The following NCOA2 variants were observed in gnomAD, a reference collection of about 807,000 sequenced individuals.
NCOA2 encodes the protein nuclear receptor coactivator 2.
NCOA2 carries 21 observed loss-of-function variants against 145.1 expected under a neutral mutation model. The observed-to-expected ratio is 0.14, with a 90% CI of 0.10 to 0.21. The LOEUF (loss-of-function observed/expected upper bound fraction) is 0.21, where lower values mean the gene tolerates loss of function less well. NCOA2 is among the 10% of genes least tolerant of loss of function. The pLI, the probability that NCOA2 is intolerant of heterozygous loss-of-function variation, is 1.00. For synonymous variants in NCOA2, 619 were observed against 637.5 expected, an observed-to-expected ratio of 0.97 and a Z score of 0.44; for missense variants, 1,472 against 1,837.6, an observed-to-expected ratio of 0.80 and a Z score of 3.64.
chr8:70,314,008 A>AAT lies in NCOA2; in HGVS notation c.-76-17210_-76-17209dup, dbSNP rs371668024. On this transcript the variant is annotated intron_variant, in intron 1 of 22. Coordinates refer to ENST00000452400, the MANE Select transcript of NCOA2 (RefSeq NM_006540.4). ...CGGTGAAACCCCATCCCTACTAAAAAATATATATATATATACAAAAAATTA... is the reference window on the plus strand; with the variant it reads ...CGGTGAAACCCCATCCCTACTAAAAAATATATATATATATATACAAAAAATTA... Among the ~76,000 whole-genome samples the AAT allele has an allele frequency of 5.4e-3, 816 of 149,872 alleles. 8 individuals carry two copies. The highest frequency in any genetic ancestry group is 0.018 in the African/African-American group (731 of 40,946).
At position 70,180,834 on chromosome 8, in the gene NCOA2, G is replaced by A. The variant is rs181537458; in HGVS notation, c.260-5975C>T. Among the ~76,000 whole-genome samples the A allele has an allele frequency of 1.9e-3, 294 of 152,300 alleles. 1 individual carries two copies. The highest frequency in any genetic ancestry group is 9.5e-3 in the East Asian group (49 of 5,176). ...CAATCCTCCTGACTCAGCCTCCTAAGTTGCTGAGATTATTGGCAAATGCCA... is the reference window on the plus strand; with the variant it reads ...CAATCCTCCTGACTCAGCCTCCTAAATTGCTGAGATTATTGGCAAATGCCA... On this transcript the variant is annotated intron_variant, in intron 4 of 22. Transcript: ENST00000452400.
intron 2 of NCOA2, among the ~76,000 whole-genome samples, chr8:70,246,763 CTA>C (rs2134608571): frequency 6.6e-6 from 1 of 152,172 alleles, no homozygotes; most frequent in African/African-American, 2.4e-5. Flanking sequence ...CTTTCTGTTT[CTA>C]TGAGTTTGAG....
chr8:70,273,545 A>C, intron 2 of NCOA2: 1 of 740,012 alleles, frequency 1.4e-6, no homozygotes. Flanking sequence ...AGAGGTGAAT[A>C]TGTTTACAAA....
chr8:70,198,200 C>T (rs1817535976), intron 4 of NCOA2, among the ~76,000 whole-genome samples: 1 of 152,156 alleles, frequency 6.6e-6, no homozygotes, highest in African/African-American at 2.4e-5. Context: ...CACAAAAGAG[C>T]TGTCGTGGTA....
chr8:70,224,495 T>C (rs1415761079), intron 2 of NCOA2, among the ~76,000 whole-genome samples: 1 of 152,050 alleles, frequency 6.6e-6, no homozygotes, highest in Admixed American at 6.5e-5. Flanking sequence ...CCTATACCTA[T>C]AATTTATCAT....
At position 70,128,786 on chromosome 8, in the gene NCOA2, T is replaced by C. The variant is rs1054391878; in HGVS notation, c.3519A>G (p.Arg1173=). The C allele has an allele frequency of 3.7e-6, 6 of 1,613,890 alleles. 1 individual carries two copies. In the Admixed American group the frequency reaches 1.0e-4, roughly 27 times the overall value. The change falls in exon 17 of 23, where the codon AGA becomes AGG. Residue 1173 remains arginine, a synonymous_variant. Coordinates refer to ENST00000452400, the MANE Select transcript of NCOA2 (RefSeq NM_006540.4). ...CTAGGCCCGTGGGCCTGAGGCCCGG[T>C]CTGGGCTGCATACGGAGTGTGGCAT... ...PSYATLRMQP[R]PGLRPTGLVQ... is the part of the protein sequence containing the mutation.
intron 1 of NCOA2, among the ~76,000 whole-genome samples, chr8:70,312,813 TA>T (rs889838965): frequency 2.0e-5 from 3 of 152,156 alleles, no homozygotes; most frequent in African/African-American, 7.2e-5. Context: ...AGAACTATGG[TA>T]AAAAATCTTC....
intron 1 of NCOA2, among the ~76,000 whole-genome samples, chr8:70,371,742 A>G (rs1811238339): frequency 6.6e-6 from 1 of 152,238 alleles, no homozygotes; most frequent in Non-Finnish European, 1.5e-5. Context: ...CCAAGAGGAC[A>G]TAAGAACACT....
intron 13 of NCOA2, 95 bp from the exon 14 acceptor site, chr8:70,141,494 T>A (rs533389714): frequency 5.1e-4 from 588 of 1,152,852 alleles, no homozygotes; most frequent in Non-Finnish European, 6.9e-4. Context: ...AAAACAATCA[T>A]TCTGTAATTC....
intron 1 of NCOA2, among the ~76,000 whole-genome samples, chr8:70,376,326 T>C (rs930203021): frequency 2.6e-5 from 4 of 151,932 alleles, no homozygotes; most frequent in South Asian, 2.1e-4. Flanking sequence ...AGTGCAACCA[T>C]AGTAAAAAAT....
intron 1 of NCOA2, among the ~76,000 whole-genome samples, chr8:70,354,355 G>A (rs1055014640): frequency 2.0e-5 from 3 of 152,114 alleles, no homozygotes; most frequent in Admixed American, 1.3e-4. Flanking sequence ...TATCTCAGAG[G>A]AAAAATTCAT....
intron 1 of NCOA2, among the ~76,000 whole-genome samples, chr8:70,350,328 T>A (rs986332259): frequency 6.6e-6 from 1 of 152,184 alleles, no homozygotes; most frequent in Admixed American, 6.6e-5. Context: ...CACTGAAAAC[T>A]ATCTCACATG....
intron 1 of NCOA2, among the ~76,000 whole-genome samples, chr8:70,323,497 T>C (rs904663063): frequency 2.0e-5 from 3 of 152,138 alleles, no homozygotes; most frequent in African/African-American, 7.2e-5. Context: ...GAAAAAAAAT[T>C]AGCAAACTTC....
At chr8:70,290,259 G>A (rs1386997379) in intron 2 of NCOA2, among the ~76,000 whole-genome samples, 1 of 149,696 alleles carries the variant, frequency 6.7e-6, no homozygotes, top group African/African-American at 2.5e-5. Context: ...CGATTTCTCG[G>A]CTCACTACCA....
intron 2 of NCOA2, among the ~76,000 whole-genome samples, chr8:70,268,330 G>A (rs1284215789): frequency 6.6e-6 from 1 of 152,048 alleles, no homozygotes; most frequent in African/African-American, 2.4e-5. Flanking sequence ...ATTTCAAGTA[G>A]ACCATCTAGC....
Position 70,263,820 on chromosome 8 carries a change from G to A in NCOA2, c.-20+32924C>T, listed in dbSNP as rs371783388. ...AGAAGAAGGAATCAGAATGGCCACT[G>A]TGCACTGTGTAATCTCAACAGTAAT... On this transcript the variant is annotated intron_variant, in intron 2 of 22. Coordinates refer to ENST00000452400, the MANE Select transcript of NCOA2 (RefSeq NM_006540.4). Among the ~76,000 whole-genome samples the A allele has an allele frequency of 2.4e-4, 37 of 152,174 alleles. No individual in the cohort carries two copies. The South Asian group carries it at 7.3e-3, about 30-fold the overall frequency.
rs569742214 is a variant in NCOA2 at position 70,315,803 on chromosome 8, C to A, written c.-76-19003G>T. On this transcript the variant is annotated intron_variant, in intron 1 of 22. Transcript: ENST00000452400. The stretch of plus-strand genomic sequence containing the variant: ...CCACATTCCTGCCACAAGCCTCATC[C>A]ACAACCTAATGCTTTCAAACAGGCC... Among the ~76,000 whole-genome samples the A allele has an allele frequency of 1.8e-4, 27 of 152,292 alleles. No homozygotes were observed. In the South Asian group the frequency reaches 1.9e-3, roughly 11 times the overall value.
At chr8:70,135,520 G>T (rs762953287) in intron 15 of NCOA2, among the ~76,000 whole-genome samples, 1 of 152,118 alleles carries the variant, frequency 6.6e-6, no homozygotes, top group Non-Finnish European at 1.5e-5. Context: ...CTGCCTTGTG[G>T]CTTGGTGTTA....
At chr8:70,334,656 C>G (rs769687344) in intron 1 of NCOA2, among the ~76,000 whole-genome samples, 1 of 152,142 alleles carries the variant, frequency 6.6e-6, no homozygotes, top group Admixed American at 6.5e-5. Context: ...TAACTCACAG[C>G]GCAGAGCATT....
Sources: allele counts gnomAD v4.1 joint callset (sites outside exome capture counted in the v4.1 genomes callset), GRCh38; gene constraint gnomAD v4.1.1; transcripts MANE v1.5; gene names NCBI Gene and HGNC (gene_info 2026-07-23, HGNC 2026-07-21).